The following CCDC62 variants were observed in gnomAD, a reference collection of about 807,000 sequenced individuals.
CCDC62 encodes coiled-coil domain-containing protein 62.
In CCDC62, 72 loss-of-function variants were observed where a neutral mutation model predicts 80.8. That is an observed-to-expected ratio of 0.89 (90% CI 0.74 to 1.08). The LOEUF is 1.08. Among genes scored for constraint, CCDC62 ranks in the 50% least tolerant of loss-of-function variants. CCDC62 has a pLI of 0.00. For missense variants in CCDC62, 704 were observed against 809.4 expected, an observed-to-expected ratio of 0.87 and a Z score of 1.58; for synonymous variants, 286 against 296.5, an observed-to-expected ratio of 0.96 and a Z score of 0.36.
At chr12:122,822,251 G>A (rs1593841212) in intron 11 of CCDC62, among the ~76,000 whole-genome samples, 2 of 151,782 alleles carry the variant, frequency 1.3e-5, no homozygotes, top group African/African-American at 2.4e-5. Flanking sequence ...GACTACAGGC[G>A]CGTGCCACCA....
chr12:122,809,462 CCTGG>C (rs1334129083), intron 10 of CCDC62, among the ~76,000 whole-genome samples: 1 of 151,490 alleles, frequency 6.6e-6, no homozygotes, highest in Non-Finnish European at 1.5e-5. Context: ...TGCACTTCAG[CCTGG>C]GCGACAGAGC....
intron 9 of CCDC62, among the ~76,000 whole-genome samples, chr12:122,802,434 G>C (rs931316994): frequency 2.9e-5 from 4 of 140,150 alleles, no homozygotes; most frequent in Non-Finnish European, 6.1e-5. Context: ...TTTTTTTGGA[G>C]ATGGAGTCTA....
At chr12:122,791,944 G>T in intron 5 of CCDC62, 76 bp from the exon 6 acceptor site, 1 of 950,050 alleles carries the variant, frequency 1.1e-6, no homozygotes. Context: ...GAGGATGTGA[G>T]AGTTAGGCAT....
chr12:122,809,892 A>G (rs2031793963), intron 10 of CCDC62, among the ~76,000 whole-genome samples: 1 of 152,154 alleles, frequency 6.6e-6, no homozygotes, highest in African/African-American at 2.4e-5. Context: ...GATCTTTGAC[A>G]AACCTGACAA....
intron 1 of CCDC62, among the ~76,000 whole-genome samples, chr12:122,776,012 C>A (rs144583532): frequency 6.6e-6 from 1 of 151,164 alleles, no homozygotes; most frequent in African/African-American, 2.5e-5. Flanking sequence ...TAAGGTGGAA[C>A]TCTATTAAAG....
chr12:122,775,799 GAC>G, intron 1 of CCDC62, among the ~76,000 whole-genome samples: 1 of 152,174 alleles, frequency 6.6e-6, no homozygotes, highest in East Asian at 1.9e-4. Flanking sequence ...TTTTAGTAGA[GAC>G]AGGGTTTCGC....
intron 9 of CCDC62, among the ~76,000 whole-genome samples, chr12:122,805,571 G>A (rs1335896995): frequency 7.5e-6 from 1 of 133,378 alleles, no homozygotes; most frequent in East Asian, 2.3e-4. Context: ...CTGGAGTGCA[G>A]TGGCGCGATC....
chr12:122,786,427 C>G (rs1446988680), intron 4 of CCDC62, among the ~76,000 whole-genome samples: 1 of 150,990 alleles, frequency 6.6e-6, no homozygotes, highest in Admixed American at 6.6e-5. Flanking sequence ...GGATTACAGG[C>G]GTGAGCCACC....
intron 11 of CCDC62, among the ~76,000 whole-genome samples, chr12:122,815,233 C>T (rs1438126679): frequency 6.6e-6 from 1 of 151,958 alleles, no homozygotes; most frequent in Non-Finnish European, 1.5e-5. Flanking sequence ...TACACGAAAC[C>T]ACACCCAGCT....
chr12:122,801,288 A>C lies in CCDC62; in HGVS notation c.1142A>C (p.Gln381Pro). ...TGCGATGAATGCAAAGAGAAGAAAC[A>C]ACAGATCGATACTGTGTTTGGGGAG... ...SSCDECKEKK[Q>P]QIDTVFGEKS... The change falls in exon 9 of 13, where the codon CAA (glutamine) becomes CCA (proline). Residue 381 changes from glutamine to proline, a missense_variant. Gln to Pro is a moderately conservative substitution (Grantham distance 76, BLOSUM62 -1). Transcript: ENST00000253079. The C allele has an allele frequency of 6.2e-7, 1 of 1,614,166 alleles. No individual in the cohort carries two copies. The highest frequency in any genetic ancestry group is 1.1e-5 in the South Asian group (1 of 91,082).
chr12:122,798,664 C>G (rs1328494353), intron 8 of CCDC62, among the ~76,000 whole-genome samples: 1 of 152,020 alleles, frequency 6.6e-6, no homozygotes, highest in Non-Finnish European at 1.5e-5. Context: ...ATATGTAATC[C>G]CAGCTACTTG....
chr12:122,778,608 G>A (rs1349387994), intron 2 of CCDC62, among the ~76,000 whole-genome samples: 3 of 151,976 alleles, frequency 2.0e-5, no homozygotes, highest in African/African-American at 4.8e-5. Context: ...GGTGGGGTGC[G>A]GTGGCTCATG....
chr12:122,785,797 C>T lies in CCDC62; in HGVS notation c.475C>T (p.Leu159Phe). The T allele has an allele frequency of 1.2e-6, 2 of 1,611,490 alleles. No individual in the cohort carries two copies. The highest frequency in any genetic ancestry group is 2.2e-5 in the East Asian group (1 of 44,864). Residue 159 changes from leucine (L) to phenylalanine (F), a missense_variant, in exon 4 of 13, where the codon CTT becomes TTT. Coordinates refer to ENST00000253079, the MANE Select transcript of CCDC62 (RefSeq NM_201435.5). ...ACAGCTACAAGCTCGAGAACAAGCT[C>T]TTACGACAATGATAAAGCTAAAGGT... ...VGQLQAREQA[L>F]TTMIKLKDKD... is the part of the protein sequence containing the mutation.
In CCDC62 at chr12:122,801,176, A is replaced by G. The variant is rs1341052041; in HGVS notation, c.1030A>G (p.Lys344Glu). The change falls in exon 9 of 13, where the codon AAG becomes GAG. Residue 344 changes from lysine (K) to glutamate (E), a missense_variant. Transcript: ENST00000253079. Reference protein sequence around the residue: ...LENNHPKVDIKREKNQKSLFK... With the variant: ...LENNHPKVDIEREKNQKSLFK... ...AAATAACCACCCAAAAGTCGATATT[A>G]AGAGGGAAAAAAATCAGAAGTCACT... The G allele has an allele frequency of 6.2e-7, 1 of 1,613,752 alleles. No homozygotes were observed. The highest frequency in any genetic ancestry group is 8.5e-7 in the Non-Finnish European group (1 of 1,179,932).
chr12:122,793,262 AG>A (rs2030740113), intron 6 of CCDC62, among the ~76,000 whole-genome samples: 1 of 152,124 alleles, frequency 6.6e-6, no homozygotes, highest in Non-Finnish European at 1.5e-5. Context: ...CCCTAGTAAA[AG>A]GGGGACTGAG....
At chr12:122,787,879 C>G (rs2030365869) in intron 4 of CCDC62, among the ~76,000 whole-genome samples, 1 of 152,132 alleles carries the variant, frequency 6.6e-6, no homozygotes. Flanking sequence ...AGGTTTAAGG[C>G]TGAAAGGGAT....
chr12:122,814,007 C>T (rs1311707195), intron 11 of CCDC62, among the ~76,000 whole-genome samples: 2 of 150,460 alleles, frequency 1.3e-5, no homozygotes, highest in African/African-American at 2.4e-5. Flanking sequence ...CAAGGCCGGG[C>T]GTGGTGGCTC....
chr12:122,809,444 T>A lies in CCDC62; in HGVS notation c.1851+3149T>A, dbSNP rs976615266. 7.2e-5 allele frequency among the ~76,000 whole-genome samples: 11 copies of A among 152,224 alleles called. No homozygotes were observed. In the East Asian group the frequency reaches 2.1e-3, roughly 29 times the overall value. Reference sequence around the variant, plus strand: ...GGCGGAGGCTGCAGCAAGCTGAGATTGTGCCATTGCACTTCAGCCTGGGCG... The same window carrying A: ...GGCGGAGGCTGCAGCAAGCTGAGATAGTGCCATTGCACTTCAGCCTGGGCG... On this transcript the variant is annotated intron_variant, in intron 10 of 12. Coordinates refer to ENST00000253079, the MANE Select transcript of CCDC62 (RefSeq NM_201435.5).
intron 3 of CCDC62, among the ~76,000 whole-genome samples, chr12:122,782,439 C>T (rs1267669443): frequency 6.6e-6 from 1 of 152,076 alleles, no homozygotes; most frequent in Non-Finnish European, 1.5e-5. Context: ...TTTTGGTAGC[C>T]TCAATGATGT....
Sources: gnomAD v4.1 joint callset for allele counts (sites outside exome capture counted in the v4.1 genomes callset) on GRCh38, gnomAD v4.1.1 for gene constraint, MANE v1.5 for transcripts, NCBI Gene and HGNC (gene_info 2026-07-23, HGNC 2026-07-21) for gene names.